Variants in IGSF11 observed in about 807,000 individuals in gnomAD.
The protein encoded by IGSF11 is CXADR like 1.
Under a neutral mutation model 41.0 loss-of-function variants are expected in IGSF11, and 22 were observed. The observed-to-expected ratio is 0.54, with a 90% CI of 0.38 to 0.77. The LOEUF (loss-of-function observed/expected upper bound fraction) is 0.77. Ranked by LOEUF, IGSF11 falls within the 30% of genes least tolerant of loss-of-function variation. The pLI is 0.00. For missense variants in IGSF11, 444 were observed against 530.8 expected, an observed-to-expected ratio of 0.84 and a Z score of 1.61; for synonymous variants, 219 against 201.3, an observed-to-expected ratio of 1.09 and a Z score of -0.74.
intron 1 of IGSF11, among the ~76,000 whole-genome samples, chr3:119,132,485 C>A (rs1443230835): frequency 6.7e-6 from 1 of 149,816 alleles, no homozygotes; most frequent in East Asian, 2.0e-4. Context: ...AAGGCCATTG[C>A]GTAATATTAA....
intron 1 of IGSF11, among the ~76,000 whole-genome samples, chr3:118,989,908 G>T (rs530440200): frequency 2.3e-4 from 35 of 152,282 alleles, no homozygotes; most frequent in Middle Eastern, 6.8e-3. Flanking sequence ...CTAAAGGGGA[G>T]ATAACTTTTT....
chr3:119,110,752 T>C (rs1268634672), intron 1 of IGSF11, among the ~76,000 whole-genome samples: 40 of 152,206 alleles, frequency 2.6e-4, no homozygotes, highest in South Asian at 4.2e-4. Context: ...CCATGTTTAG[T>C]GCTTCCTTCA....
intron 1 of IGSF11, among the ~76,000 whole-genome samples, chr3:118,993,243 A>G (rs1935955683): frequency 6.6e-6 from 1 of 152,210 alleles, no homozygotes; most frequent in East Asian, 1.9e-4. Flanking sequence ...GTAAATAAGT[A>G]AGTAAATAAA....
chr3:118,919,956 T>TA lies in IGSF11; in HGVS notation c.580+6144_580+6145insT, dbSNP rs1449783026. On this transcript the variant is annotated intron_variant, in intron 4 of 6. Transcript: ENST00000393775. ...TAAAAAATGATGAGTTCATATCCTT[T>TA]GTAGGGACATGGATGAAATTGGAAA... 7.2e-5 allele frequency among the ~76,000 whole-genome samples: 9 copies of TA among 124,384 alleles called. No homozygotes were observed. In the East Asian group the frequency reaches 2.1e-3, roughly 29 times the overall value. The allele number at this position is 124,384 out of a possible 152,430, so 81.6% of individuals were successfully genotyped here. A position where few individuals can be genotyped will look rare whatever the true frequency, so the allele number is the denominator to read the frequency against.
intron 1 of IGSF11, among the ~76,000 whole-genome samples, chr3:119,017,031 A>G (rs1242133431): frequency 7.2e-6 from 1 of 139,278 alleles, no homozygotes; most frequent in African/African-American, 2.9e-5. Context: ...AGTTAAATGG[A>G]CGCAGGACAA....
At chr3:118,954,424 G>T (rs1944805359) in intron 1 of IGSF11, among the ~76,000 whole-genome samples, 1 of 151,906 alleles carries the variant, frequency 6.6e-6, no homozygotes, top group African/African-American at 2.4e-5. Flanking sequence ...TCCAAGTCTA[G>T]TTATTTTGCT....
intron 1 of IGSF11, among the ~76,000 whole-genome samples, chr3:119,102,853 C>T (rs1389362310): frequency 6.6e-6 from 1 of 152,102 alleles, no homozygotes; most frequent in Non-Finnish European, 1.5e-5. Flanking sequence ...CATTTCTTCC[C>T]TGAGCTCATT....
chr3:119,109,670 A>C (rs1404285360), upstream of IGSF11, among the ~76,000 whole-genome samples: 2 of 151,834 alleles, frequency 1.3e-5, no homozygotes, highest in Non-Finnish European at 2.9e-5. Flanking sequence ...TAGTTCTTTT[A>C]ATTGTGATGT....
intron 1 of IGSF11, among the ~76,000 whole-genome samples, chr3:119,134,164 A>T (rs966082213): frequency 6.7e-6 from 1 of 149,894 alleles, no homozygotes; most frequent in East Asian, 2.0e-4. Flanking sequence ...CAAGACAAGG[A>T]TGCCCTCTCT....
intron 3 of IGSF11, among the ~76,000 whole-genome samples, chr3:118,927,315 GAAGTT>G (rs1942413808): frequency 1.3e-5 from 2 of 152,104 alleles, no homozygotes; most frequent in South Asian, 2.1e-4. Context: ...ATGATGCTGA[GAAGTT>G]AAGTCTGGAC....
chr3:118,986,520 T>C (rs532525478), intron 1 of IGSF11, among the ~76,000 whole-genome samples: 1 of 152,300 alleles, frequency 6.6e-6, no homozygotes, highest in South Asian at 2.1e-4. Context: ...ATGCTCAATT[T>C]AACAGGAAAA....
At chr3:119,045,499 A>T (rs1941303172) in intron 1 of IGSF11, among the ~76,000 whole-genome samples, 2 of 152,168 alleles carry the variant, frequency 1.3e-5, no homozygotes, top group African/African-American at 4.8e-5. Flanking sequence ...GTCCTACTCC[A>T]CGGAGTCTCG....
At chr3:119,039,247 G>C (rs968145439), upstream of IGSF11, among the ~76,000 whole-genome samples, 4 of 152,224 alleles carry the variant, frequency 2.6e-5, no homozygotes, top group Non-Finnish European at 4.4e-5. Flanking sequence ...ATTCTCAGTA[G>C]ACTAAAATCA....
At chr3:119,047,290 G>A (rs1037770660) in intron 1 of IGSF11, among the ~76,000 whole-genome samples, 1 of 151,980 alleles carries the variant, frequency 6.6e-6, no homozygotes, top group South Asian at 2.1e-4. Context: ...CAAAATAAAA[G>A]GATGGAGGAA....
chr3:119,089,194 T>G (rs1044050781), intron 1 of IGSF11, among the ~76,000 whole-genome samples: 1 of 152,002 alleles, frequency 6.6e-6, no homozygotes, highest in Non-Finnish European at 1.5e-5. Flanking sequence ...AATATTAGCA[T>G]ACTAAATCCT....
chr3:118,980,359 A>G (rs531292473), intron 1 of IGSF11, among the ~76,000 whole-genome samples: 2 of 152,320 alleles, frequency 1.3e-5, no homozygotes, highest in East Asian at 3.9e-4. Flanking sequence ...AAAGGAAATC[A>G]TGTCATTTGT....
chr3:119,090,674 C>A (rs1392965019), intron 1 of IGSF11, among the ~76,000 whole-genome samples: 1 of 152,190 alleles, frequency 6.6e-6, no homozygotes, highest in East Asian at 1.9e-4. Context: ...GAATAACTAG[C>A]TAGCCATATG....
intron 1 of IGSF11, among the ~76,000 whole-genome samples, chr3:118,960,189 C>T (rs536809630): frequency 2.0e-5 from 3 of 152,068 alleles, no homozygotes; most frequent in Non-Finnish European, 4.4e-5. Flanking sequence ...TGAAAATGTT[C>T]CTATTATCTA....
intron 1 of IGSF11, among the ~76,000 whole-genome samples, chr3:119,015,824 C>CTGGT (rs1428206839): frequency 6.6e-6 from 1 of 152,086 alleles, no homozygotes; most frequent in African/African-American, 2.4e-5. Flanking sequence ...CACTAAGCAC[C>CTGGT]TGGTGCCTGA....
Sources: gnomAD v4.1 joint callset for allele counts (sites outside exome capture counted in the v4.1 genomes callset) on GRCh38, gnomAD v4.1.1 for gene constraint, MANE v1.5 for transcripts, NCBI Gene and HGNC (gene_info 2026-07-23, HGNC 2026-07-21) for gene names.